SLMAP: variants seen among roughly 807,000 people sequenced by gnomAD.
SLMAP encodes the protein sarcolemmal membrane-associated protein.
In SLMAP, 44 loss-of-function variants were observed where a neutral mutation model predicts 128.8. That is an observed-to-expected ratio of 0.34 (90% confidence interval 0.27 to 0.44). SLMAP has a LOEUF of 0.44. SLMAP is among the 20% of genes least tolerant of loss of function. The pLI, the probability that SLMAP is intolerant of heterozygous loss-of-function variation, is 1.00. For missense variants in SLMAP, 787 were observed against 985.3 expected, an observed-to-expected ratio of 0.80 and a Z score of 2.69; for synonymous variants, 327 against 348.8, an observed-to-expected ratio of 0.94 and a Z score of 0.70.
rs577418809 is a variant in SLMAP, at chr3:57,818,624, T to C, written c.199-12759T>C. Among the ~76,000 whole-genome samples the C allele has an allele frequency of 2.3e-3, 353 of 152,372 alleles. 1 individual carries two copies. Among genetic ancestry groups the C allele is most frequent in the African/African-American group, 7.6e-3 (317 of 41,590 alleles). ...AAATTATGTGGTACCCTTTTGTCAC[T>C]GTAGAATAATTTTCTTTGATCTTGC... On this transcript the variant is annotated intron_variant, in intron 2 of 24. Transcript: ENST00000671191.
chr3:57,867,644 CACTT>C (rs1288707094), intron 13 of SLMAP, among the ~76,000 whole-genome samples: 3 of 152,134 alleles, frequency 2.0e-5, no homozygotes, highest in Non-Finnish European at 4.4e-5. Flanking sequence ...TAAGATGCGT[CACTT>C]AATTCCATTC....
chr3:57,795,400 A>C (rs896988142), intron 2 of SLMAP, among the ~76,000 whole-genome samples: 1 of 152,118 alleles, frequency 6.6e-6, no homozygotes. Context: ...TTAACTGGGC[A>C]TGGTGGCGCA....
chr3:57,902,277 T>A (rs2096404518), intron 17 of SLMAP: 1 of 152,198 alleles, frequency 6.6e-6, no homozygotes, highest in Non-Finnish European at 1.5e-5. Flanking sequence ...CTATAAAATA[T>A]TTTAAATGGG....
intron 14 of SLMAP, among the ~76,000 whole-genome samples, chr3:57,873,729 C>G (rs1204351532): frequency 2.0e-5 from 3 of 152,100 alleles, no homozygotes; most frequent in Admixed American, 6.6e-5. Context: ...TAATCCTGCT[C>G]TTTCATGGGC....
At chr3:57,851,730 C>T (rs1338354244) in intron 6 of SLMAP, among the ~76,000 whole-genome samples, 1 of 152,032 alleles carries the variant, frequency 6.6e-6, no homozygotes, top group East Asian at 1.9e-4. Context: ...AGTGATCCAT[C>T]CACCTTGGCC....
At chr3:57,857,226 C>A (rs9878303) in intron 6 of SLMAP, among the ~76,000 whole-genome samples, 3 of 151,988 alleles carry the variant, frequency 2.0e-5, no homozygotes, top group Admixed American at 6.5e-5. Context: ...TACTTTCAGC[C>A]CAACAAATGA....
At position 57,773,123 on chromosome 3, in the gene SLMAP, A is replaced by G. The variant is rs530633459; in HGVS notation, c.198+15274A>G. On this transcript the variant is annotated intron_variant, in intron 2 of 24. Transcript: ENST00000671191. Reference sequence around the variant, plus strand: ...CCACCAAGTTGGATAATTATCCAGTAATAGCCAGTGGGTTGAGATGCCAGC... The same window carrying G: ...CCACCAAGTTGGATAATTATCCAGTGATAGCCAGTGGGTTGAGATGCCAGC... Among the ~76,000 whole-genome samples, 11 of 152,316 alleles carry G rather than the reference A, an allele frequency of 7.2e-5. 1 individual carries two copies. In the East Asian group the frequency reaches 1.7e-3, roughly 24 times the overall value.
chr3:57,770,342 T>C (rs568715442), intron 2 of SLMAP, among the ~76,000 whole-genome samples: 52 of 152,132 alleles, frequency 3.4e-4, no homozygotes, highest in Non-Finnish European at 5.0e-4. Context: ...ACAGAGAAAG[T>C]TGTTTTTAAG....
At chr3:57,887,341 T>G (rs559160787) in intron 14 of SLMAP, among the ~76,000 whole-genome samples, 2 of 152,036 alleles carry the variant, frequency 1.3e-5, no homozygotes, top group East Asian at 3.9e-4. Context: ...ACGGTTCTCC[T>G]GCCTCAGCCT....
Position 57,857,387 on chromosome 3 carries a change from A to G in SLMAP, c.520-346A>G, listed in dbSNP as rs72876728. Among the ~76,000 whole-genome samples, 1,040 of 152,312 alleles carry G rather than the reference A, an allele frequency of 6.8e-3. 13 individuals are homozygous for G. Among genetic ancestry groups the G allele is most frequent in the African/African-American group, 0.023 (970 of 41,560 alleles). The stretch of plus-strand genomic sequence containing the variant: ...TCCTATATATACACATACCTATGAT[A>G]AAGTTTGACTTATAAATTAAGCATA... On this transcript the variant is annotated intron_variant, in intron 6 of 24. Coordinates refer to ENST00000671191, the MANE Select transcript of SLMAP (RefSeq NM_001377540.1).
chr3:57,873,214 A>C (rs1380726109), intron 14 of SLMAP, among the ~76,000 whole-genome samples: 1 of 152,220 alleles, frequency 6.6e-6, no homozygotes, highest in African/African-American at 2.4e-5. Flanking sequence ...CTTTTAAAAC[A>C]ATATTTGGCC....
At chr3:57,896,210 A>G (rs2096242051) in intron 15 of SLMAP, 22 of 1,075,464 alleles carry the variant, frequency 2.0e-5, no homozygotes, top group Non-Finnish European at 2.5e-5. Context: ...CAGTTCTTTG[A>G]ATACTTTAGC....
At chr3:57,875,471 C>T (rs1034119554) in intron 14 of SLMAP, among the ~76,000 whole-genome samples, 19 of 152,190 alleles carry the variant, frequency 1.2e-4, no homozygotes, top group African/African-American at 4.6e-4. Flanking sequence ...ACCATGATCA[C>T]ACCATTGCAC....
chr3:57,872,611 C>G (rs1282180589), intron 14 of SLMAP, among the ~76,000 whole-genome samples: 1 of 152,166 alleles, frequency 6.6e-6, no homozygotes, highest in Non-Finnish European at 1.5e-5. Context: ...AAGAGCAAGA[C>G]TGTATCTCCA....
At chr3:57,889,232 A>G (rs539319512) in intron 14 of SLMAP, among the ~76,000 whole-genome samples, 92 of 152,376 alleles carry the variant, frequency 6.0e-4, no homozygotes, top group Non-Finnish European at 1.1e-3. Flanking sequence ...CATACTGCAA[A>G]GAGCCTATGA....
At chr3:57,878,831 A>C (rs1254683409) in intron 14 of SLMAP, among the ~76,000 whole-genome samples, 1 of 152,184 alleles carries the variant, frequency 6.6e-6, no homozygotes, top group Non-Finnish European at 1.5e-5. Flanking sequence ...ATGAAACCCA[A>C]TTTTGAGACT....
intron 2 of SLMAP, among the ~76,000 whole-genome samples, chr3:57,768,187 G>A (rs76510758): frequency 0.01 from 1,589 of 152,244 alleles, 31 homozygotes; most frequent in African/African-American, 0.036. Flanking sequence ...TGAAAATATG[G>A]ACGTGTTTGG....
chr3:57,880,295 G>A (rs1225442940), intron 14 of SLMAP, among the ~76,000 whole-genome samples: 1 of 151,796 alleles, frequency 6.6e-6, no homozygotes, highest in African/African-American at 2.4e-5. Flanking sequence ...TCCGCCTCCC[G>A]GGTTCAAGTG....
chr3:57,889,858 TGA>T, intron 14 of SLMAP, 181 bp from the exon 15 acceptor site: 1 of 475,644 alleles, frequency 2.1e-6, no homozygotes, highest in South Asian at 5.2e-5. Flanking sequence ...TGCATTAACG[TGA>T]TTGCTCCGTC....
Sources: gnomAD v4.1 joint callset for allele counts (sites outside exome capture counted in the v4.1 genomes callset) on GRCh38, gnomAD v4.1.1 for gene constraint, MANE v1.5 for transcripts, NCBI Gene and HGNC (gene_info 2026-07-23, HGNC 2026-07-21) for gene names.